FADS2: variants seen among roughly 807,000 people sequenced by gnomAD.
The protein encoded by FADS2 is fatty acid desaturase 2, also known as acyl-CoA 6-desaturase.
A neutral mutation model predicts 61.2 loss-of-function variants in FADS2; 18 were observed. The observed-to-expected ratio is 0.29, with a 90% confidence interval of 0.20 to 0.44. The LOEUF is 0.44. Ranked by LOEUF, FADS2 falls within the 20% of genes least tolerant of loss-of-function variation. The pLI, the probability that FADS2 is intolerant of heterozygous loss-of-function variation, is 1.00. For synonymous variants in FADS2, 203 were observed against 223.9 expected, an observed-to-expected ratio of 0.91 and a Z score of 0.83; for missense variants, 322 against 572.7, an observed-to-expected ratio of 0.56 and a Z score of 4.47.
rs915790339 is a variant in FADS2 at position 61,865,915 on chromosome 11, A to G, written c.*226A>G. ...CTCCCTCAGCCGTCAGCCATCAGCC[A>G]TGGCCCTCCCAGTGCCTCCTAGCCC... On this transcript the variant is annotated 3_prime_UTR_variant, in exon 12 of 12. Transcript: ENST00000278840. The surrounding 1 kb of genome is among the most constrained non-coding windows in gnomAD (Gnocchi z 4.1). 3 of 572,346 alleles carry G rather than the reference A, an allele frequency of 5.2e-6. No homozygotes were observed. The highest frequency in any genetic ancestry group is 9.4e-6 in the Non-Finnish European group (3 of 320,694). 35.5% of individuals were successfully genotyped at this position (572,346 alleles called of 1,614,324 possible). A position where few individuals can be genotyped will look rare whatever the true frequency, so the allele number is the denominator to read the frequency against.
Position 61,866,240 on chromosome 11 carries a change from C to T in FADS2, c.*551C>T, listed in dbSNP as rs1465863185. ...GCTTTGTTACAAAGCTCGGGTCTCC[C>T]TCCTGCAGCTCGGTTAAGTACCCGA... On this transcript the variant is annotated 3_prime_UTR_variant, in exon 12 of 12. Coordinates refer to ENST00000278840, the MANE Select transcript of FADS2 (RefSeq NM_004265.4). 2 of 378,748 alleles carry T rather than the reference C, an allele frequency of 5.3e-6. No homozygotes were observed. Among genetic ancestry groups the T allele is most frequent in the Non-Finnish European group, 9.3e-6 (2 of 213,928 alleles). The allele number at this position is 378,748 out of a possible 1,614,324, so 23.5% of individuals were successfully genotyped here. A position where few individuals can be genotyped will look rare whatever the true frequency, so the allele number is the denominator to read the frequency against.
chr11:61,852,881 G>A (rs1278272459), intron 5 of FADS2, among the ~76,000 whole-genome samples: 1 of 152,126 alleles, frequency 6.6e-6, no homozygotes, highest in Non-Finnish European at 1.5e-5. Context: ...TCGGCCCAGC[G>A]TGGTGGCTCA....
chr11:61,859,849 G>T lies in FADS2; in HGVS notation c.882+2319G>T, dbSNP rs174607. Among the ~76,000 whole-genome samples the T allele has an allele frequency of 1.9e-3, 288 of 152,224 alleles. 2 individuals carry two copies. Among genetic ancestry groups the T allele is most frequent in the Non-Finnish European group, 2.3e-3 (158 of 67,992 alleles). On this transcript the variant is annotated intron_variant, in intron 7 of 11. Coordinates refer to ENST00000278840, the MANE Select transcript of FADS2 (RefSeq NM_004265.4). Reference sequence around the variant, plus strand: ...AAAATACAAAAAATTAGCCTGGCATGGTGGTGTGCACCTGTAGTCCCAGCT... The same window carrying T: ...AAAATACAAAAAATTAGCCTGGCATTGTGGTGTGCACCTGTAGTCCCAGCT...
In FADS2 at chr11:61,816,486, T is replaced by A; in HGVS notation, c.141+60T>A. ...TAGTCGGTGTTTGGCTCGGAGTGCG[T>A]AACTCTGTCTCCCCTGCACTCAGCC... On this transcript the variant is annotated intron_variant, in intron 1 of 11. Coordinates refer to the FADS2 transcript ENST00000257261. This position sits in a 1 kb window ranked among gnomAD's most constrained non-coding sequence, Gnocchi z 7.0. The A allele has an allele frequency of 1.9e-6, 3 of 1,601,052 alleles. No homozygotes were observed. The South Asian group carries it at 3.3e-5, about 18-fold the overall frequency.
At chr11:61,846,521 A>G (rs138955194) in intron 4 of FADS2, 1 of 150,622 alleles carries the variant, frequency 6.6e-6, no homozygotes, top group African/African-American at 2.4e-5. Context: ...GTTCCCACCC[A>G]TGGCTATTAG....
intron 4 of FADS2, among the ~76,000 whole-genome samples, chr11:61,842,789 G>A (rs1385587070): frequency 6.6e-6 from 1 of 152,240 alleles, no homozygotes; most frequent in Non-Finnish European, 1.5e-5. Flanking sequence ...CTAGCACTCG[G>A]CAGGTGCACA....
intron 1 of FADS2, among the ~76,000 whole-genome samples, chr11:61,818,047 A>G (rs2067002393): frequency 6.6e-6 from 1 of 152,216 alleles, no homozygotes; most frequent in African/African-American, 2.4e-5. Context: ...AGGCTCTGCC[A>G]TATTTCTCAT....
chr11:61,864,569 T>G (rs1354075865), intron 10 of FADS2, among the ~76,000 whole-genome samples: 9 of 151,992 alleles, frequency 5.9e-5, no homozygotes, highest in Non-Finnish European at 1.0e-4. Context: ...AATTTTTGTA[T>G]TTTTTAGTGG....
chr11:61,826,330 C>G (rs1034829144), upstream of FADS2: 6 of 702,466 alleles, frequency 8.5e-6, no homozygotes, highest in Admixed American at 4.0e-5. Flanking sequence ...GGACCCCAGG[C>G]CCTGGCCGGT....
At chr11:61,825,972 G>C (rs1163690453), upstream of FADS2, 1 of 667,500 alleles carries the variant, frequency 1.5e-6, no homozygotes, top group East Asian at 2.7e-5. Flanking sequence ...CTTAATTCAG[G>C]CCTCCCCTCC....
At chr11:61,825,443 C>G (rs1413356954), upstream of FADS2, among the ~76,000 whole-genome samples, 1 of 151,976 alleles carries the variant, frequency 6.6e-6, no homozygotes, top group Non-Finnish European at 1.5e-5. Flanking sequence ...CATGGTGAAA[C>G]CCTGTCTCTA....
chr11:61,827,389 C>G (rs1035901114), upstream of FADS2: 1 of 152,626 alleles, frequency 6.6e-6, no homozygotes, highest in Non-Finnish European at 1.5e-5. This position sits in a 1 kb window ranked among gnomAD's most constrained non-coding sequence, Gnocchi z 4.5. Context: ...TCCCTTCCCC[C>G]TCACCGCAGC....
At chr11:61,851,865 T>G (rs187321839) in intron 5 of FADS2, among the ~76,000 whole-genome samples, 1 of 152,282 alleles carries the variant, frequency 6.6e-6, no homozygotes, top group Non-Finnish European at 1.5e-5. Flanking sequence ...AGGAGGATTC[T>G]TTTTGTCATA....
chr11:61,853,298 T>TCCTC (rs1241706205), intron 5 of FADS2, among the ~76,000 whole-genome samples: 12 of 93,608 alleles, frequency 1.3e-4, no homozygotes, highest in African/African-American at 5.3e-4. Flanking sequence ...CTCCCTTCCT[T>TCCTC]CCTTCCTTCC....
chr11:61,839,038 C>T (rs2067197185), intron 2 of FADS2, among the ~76,000 whole-genome samples: 1 of 152,152 alleles, frequency 6.6e-6, no homozygotes, highest in African/African-American at 2.4e-5. Context: ...CGCTCCTCTC[C>T]TTGTATCCAC....
At chr11:61,835,725 A>G (rs1394012472) in intron 1 of FADS2, among the ~76,000 whole-genome samples, 2 of 152,044 alleles carry the variant, frequency 1.3e-5, no homozygotes, top group African/African-American at 2.4e-5. Flanking sequence ...TTTTCCCAAC[A>G]TCCTTAAATG....
chr11:61,828,489 C>T lies in FADS2; in HGVS notation c.99C>T (p.Thr33=), dbSNP rs149260337. The change falls in exon 1 of 12, where the codon ACC becomes ACT. Residue 33 remains threonine, a synonymous_variant. Coordinates refer to ENST00000278840, the MANE Select transcript of FADS2 (RefSeq NM_004265.4). The surrounding 1 kb of genome is among the most constrained non-coding windows in gnomAD (Gnocchi z 6.4). ...WEEIQKHNLR[T]DRWLVIDRKV... ...AGATTCAGAAGCATAACCTGCGCAC[C>T]GACAGGTGGCTGGTCATTGACCGCA... is the stretch of plus-strand genomic sequence containing the variant. The T allele has an allele frequency of 2.9e-5, 47 of 1,612,846 alleles. No homozygotes were observed. In the African/African-American group the frequency reaches 5.5e-4, roughly 19 times the overall value.
chr11:61,843,570 G>T (rs972176430), intron 4 of FADS2, among the ~76,000 whole-genome samples: 1 of 152,194 alleles, frequency 6.6e-6, no homozygotes, highest in African/African-American at 2.4e-5. Context: ...CTCGCTTAGG[G>T]TATAAAATCT....
chr11:61,827,956 G>T, upstream of FADS2: 1 of 832,780 alleles, frequency 1.2e-6, no homozygotes. The surrounding 1 kb of genome is among the most constrained non-coding windows in gnomAD (Gnocchi z 4.5). Context: ...TGGCAGGCGG[G>T]GCGACGCGAC....
Sources: allele counts gnomAD v4.1 joint callset (sites outside exome capture counted in the v4.1 genomes callset), GRCh38; gene constraint gnomAD v4.1.1; non-coding constraint Gnocchi (gnomAD v3.1); transcripts MANE v1.5; gene names NCBI Gene and HGNC (gene_info 2026-07-23, HGNC 2026-07-21).